The following ADGRL3 variants were observed in gnomAD, a reference collection of about 807,000 sequenced individuals.
ADGRL3 encodes calcium-independent alpha-latrotoxin receptor 3.
In ADGRL3, 62 loss-of-function variants were observed where a neutral mutation model predicts 153.5. The ratio of observed to expected loss-of-function variants is 0.40; its 90% CI spans 0.33 to 0.50. The LOEUF (loss-of-function observed/expected upper bound fraction) is 0.50. Among genes scored for constraint, ADGRL3 ranks in the 20% least tolerant of loss-of-function variants. ADGRL3 has a pLI of 0.47. For missense variants in ADGRL3, 1,641 were observed against 1,859.4 expected, an observed-to-expected ratio of 0.88 and a Z score of 2.16; for synonymous variants, 710 against 672.5, an observed-to-expected ratio of 1.06 and a Z score of -0.86.
intron 6 of ADGRL3, among the ~76,000 whole-genome samples, chr4:61,680,219 A>G (rs1389603604): frequency 1.3e-5 from 2 of 152,008 alleles, no homozygotes; most frequent in Admixed American, 6.6e-5. Context: ...TAATATTAAT[A>G]TTGGAATTAA....
At chr4:61,749,454 C>A (rs2096721756) in intron 8 of ADGRL3, among the ~76,000 whole-genome samples, 1 of 151,668 alleles carries the variant, frequency 6.6e-6, no homozygotes, top group Non-Finnish European at 1.5e-5. Flanking sequence ...AGACTTGGAA[C>A]CAACCAAATA....
intron 2 of ADGRL3, among the ~76,000 whole-genome samples, chr4:61,432,584 T>TTTTC: frequency 1.8e-4 from 1 of 5,606 alleles, no homozygotes; most frequent in South Asian, 0.013. Flanking sequence ...CTTTCTTTCT[T>TTTTC]TCTTTCTTTC....
intron 1 of ADGRL3, among the ~76,000 whole-genome samples, chr4:61,375,386 TTGAA>T (rs1246576497): frequency 6.6e-6 from 1 of 152,184 alleles, no homozygotes; most frequent in Non-Finnish European, 1.5e-5. Context: ...GCATTTCTGC[TTGAA>T]TGAAATTTTA....
intron 1 of ADGRL3, among the ~76,000 whole-genome samples, chr4:61,235,501 C>CAA (rs1449321573): frequency 6.6e-6 from 1 of 152,070 alleles, no homozygotes; most frequent in Non-Finnish European, 1.5e-5. Flanking sequence ...GAGAAAGAAG[C>CAA]AAAGTACAAA....
chr4:61,562,798 ATCT>A (rs2098800583), intron 4 of ADGRL3, among the ~76,000 whole-genome samples: 1 of 151,980 alleles, frequency 6.6e-6, no homozygotes, highest in East Asian at 1.9e-4. Context: ...GTTTATTTTG[ATCT>A]TCTTCAGTCA....
At chr4:62,037,639 T>C (rs1316932787) in intron 23 of ADGRL3, 92 bp from the exon 24 acceptor site, 9 of 1,331,832 alleles carry the variant, frequency 6.8e-6, no homozygotes, top group South Asian at 1.2e-5. Flanking sequence ...AATAATTACA[T>C]TATCTAAAAA....
chr4:61,800,431 A>G (rs2097479932), intron 8 of ADGRL3, among the ~76,000 whole-genome samples: 1 of 152,156 alleles, frequency 6.6e-6, no homozygotes. Context: ...TCCATTAGCT[A>G]ATGATTTTCA....
chr4:61,986,025 A>G (rs1232544213), intron 19 of ADGRL3, among the ~76,000 whole-genome samples: 1 of 151,228 alleles, frequency 6.6e-6, no homozygotes, highest in African/African-American at 2.4e-5. Flanking sequence ...TGATATATTC[A>G]TGTAACATAA....
chr4:62,045,900 G>A (rs1296314304), intron 25 of ADGRL3, among the ~76,000 whole-genome samples: 1 of 151,812 alleles, frequency 6.6e-6, no homozygotes, highest in African/African-American at 2.4e-5. Context: ...TATTAATTTA[G>A]ACAATATCTC....
intron 4 of ADGRL3, among the ~76,000 whole-genome samples, chr4:61,560,633 A>G (rs2098790938): frequency 7.0e-6 from 1 of 142,762 alleles, no homozygotes; most frequent in East Asian, 2.1e-4. Context: ...ATCCCATTGA[A>G]TTTGTGGGGT....
chr4:61,517,491 GC>G lies in ADGRL3; in HGVS notation c.235del (p.Gln79LysfsTer31). 1.4e-6 allele frequency: 1 copy of G among 718,856 alleles called. No individual in the cohort carries two copies. The highest frequency in any genetic ancestry group is 3.1e-4 in the Middle Eastern group (1 of 3,252). 44.5% of individuals were successfully genotyped at this position (718,856 alleles called of 1,614,324 possible). A position where few individuals can be genotyped will look rare whatever the true frequency, so the allele number is the denominator to read the frequency against. Reference sequence around the variant, plus strand: ...TACCAGAGGAGTTCGCGGTCCAGGTGCCCAAGGAGCACAGATTGCAGCGCAA... The same window carrying G: ...TACCAGAGGAGTTCGCGGTCCAGGTGCCAAGGAGCACAGATTGCAGCGCAA... ...GATRGVRGPG[A>X]QGAQIAAQAF... On this transcript the variant is annotated frameshift_variant, in exon 4 of 27. Transcript: ENST00000683033. LOFTEE classifies it high-confidence loss of function.
intron 7 of ADGRL3, 139 bp downstream of exon 7, chr4:61,730,775 C>T (rs1478685904): frequency 2.2e-5 from 6 of 270,596 alleles, no homozygotes; most frequent in Non-Finnish European, 4.4e-5. Flanking sequence ...TGCTCAACTT[C>T]ACTTTAATCT....
At chr4:61,713,747 T>A (rs3934691) in intron 6 of ADGRL3, among the ~76,000 whole-genome samples, 4,146 of 152,238 alleles carry the variant, frequency 0.027, 203 homozygotes, top group African/African-American at 0.094. Context: ...GAAAGTATTT[T>A]ATTTAATAAT....
intron 19 of ADGRL3, among the ~76,000 whole-genome samples, chr4:61,986,348 G>A (rs964506213): frequency 7.9e-5 from 12 of 151,960 alleles, no homozygotes. Context: ...AAATTGTCCT[G>A]TTACTACTGA....
chr4:61,670,428 G>A (rs1335061145), intron 5 of ADGRL3, among the ~76,000 whole-genome samples: 1 of 151,990 alleles, frequency 6.6e-6, no homozygotes, highest in African/African-American at 2.4e-5. Flanking sequence ...ATTTTTATAT[G>A]CTTCACACAC....
intron 2 of ADGRL3, among the ~76,000 whole-genome samples, chr4:61,483,686 G>A (rs1433413558): frequency 1.3e-5 from 2 of 151,960 alleles, no homozygotes; most frequent in East Asian, 1.9e-4. Context: ...GCTATGAGCC[G>A]AGATCATGCC....
At chr4:61,760,728 T>A (rs1409089976) in intron 8 of ADGRL3, among the ~76,000 whole-genome samples, 3 of 152,162 alleles carry the variant, frequency 2.0e-5, no homozygotes, top group Admixed American at 2.0e-4. Context: ...AATGCAGAAA[T>A]CACTCATCTT....
intron 4 of ADGRL3, among the ~76,000 whole-genome samples, chr4:61,535,704 C>G (rs1028837303): frequency 4.0e-5 from 6 of 151,884 alleles, no homozygotes; most frequent in Non-Finnish European, 7.4e-5. Flanking sequence ...ACCCACTTCT[C>G]TAGGTTTTCT....
intron 4 of ADGRL3, among the ~76,000 whole-genome samples, chr4:61,538,877 A>G (rs984781739): frequency 2.6e-5 from 4 of 152,148 alleles, no homozygotes; most frequent in African/African-American, 9.7e-5. Flanking sequence ...GTTGGGTTGC[A>G]TTGAAGTCTC....
Sources: gnomAD v4.1 joint callset for allele counts (sites outside exome capture counted in the v4.1 genomes callset) on GRCh38, gnomAD v4.1.1 for gene constraint, MANE v1.5 for transcripts, NCBI Gene and HGNC (gene_info 2026-07-23, HGNC 2026-07-21) for gene names.